The following PWWP2B variants were observed in gnomAD, a reference collection of about 807,000 sequenced individuals.
The protein encoded by PWWP2B is PWWP domain-containing protein 2B.
PWWP2B carries 9 observed loss-of-function variants against 15.5 expected under a neutral mutation model. That is an observed-to-expected ratio of 0.58 (90% CI 0.35 to 1.02). The LOEUF (loss-of-function observed/expected upper bound fraction) is 1.02, where lower values mean the gene tolerates loss of function less well. Among genes scored for constraint, PWWP2B ranks in the 50% least tolerant of loss-of-function variants. PWWP2B has a pLI of 0.02. For missense variants in PWWP2B, 864 were observed against 865.3 expected, an observed-to-expected ratio of 1.00 and a Z score of 0.02; for synonymous variants, 474 against 403.6, an observed-to-expected ratio of 1.17 and a Z score of -2.09.
chr10:132,405,517 T>C lies in PWWP2B; in HGVS notation c.1017T>C (p.Arg339=). 1.9e-6 allele frequency: 3 copies of C among 1,603,860 alleles called. No individual in the cohort carries two copies. Among genetic ancestry groups the C allele is most frequent in the Non-Finnish European group, 1.7e-6 (2 of 1,179,300 alleles). The change falls in exon 2 of 3, where the codon CGT becomes CGC. Residue 339 remains arginine, a synonymous_variant. Coordinates refer to ENST00000305233, the MANE Select transcript of PWWP2B (RefSeq NM_138499.4). Reference sequence around the variant, plus strand: ...CTAAGATCCGCCTGAAGCCCCACCGTCTGGGGGACAGCGAGCACGAGCCCG... The same window carrying C: ...CTAAGATCCGCCTGAAGCCCCACCGCCTGGGGGACAGCGAGCACGAGCCCG... ...PPPKIRLKPH[R]LGDSEHEPVY... is the part of the protein sequence containing the mutation.
rs2069659431 is a variant in PWWP2B, at chr10:132,404,713, G to A, written c.213G>A (p.Glu71=). The A allele has an allele frequency of 1.9e-6, 3 of 1,611,912 alleles. No individual in the cohort carries two copies. Among genetic ancestry groups the A allele is most frequent in the African/African-American group, 2.7e-5 (2 of 75,000 alleles). Residue 71 remains glutamate (E), a synonymous_variant, in exon 2 of 3, where the codon GAG becomes GAA. Coordinates refer to ENST00000305233, the MANE Select transcript of PWWP2B (RefSeq NM_138499.4). The stretch of plus-strand genomic sequence containing the variant: ...ACGACAGCCATGGCCGGGCTCCCGA[G>A]GAGGGGGATGCAGAGGTGATGCAGC... ...PVNDSHGRAP[E]EGDAEVMQLG...
At chr10:132,397,520 G>A (rs1208505270) in intron 1 of PWWP2B, among the ~76,000 whole-genome samples, 169 bp downstream of exon 1, 1 of 151,066 alleles carries the variant, frequency 6.6e-6, no homozygotes, top group African/African-American at 2.4e-5. Flanking sequence ...GCCGCCACTC[G>A]GGGGGGCAAA....
At chr10:132,402,994 G>T (rs549682824) in intron 1 of PWWP2B, among the ~76,000 whole-genome samples, 82 of 152,372 alleles carry the variant, frequency 5.4e-4, no homozygotes, top group African/African-American at 1.9e-3. Flanking sequence ...GGCACCGCCC[G>T]GGACTGGCCT....
At position 132,405,679 on chromosome 10, in the gene PWWP2B, C is replaced by A; in HGVS notation, c.1179C>A (p.Ser393Arg). 2 of 1,612,406 alleles carry A rather than the reference C, an allele frequency of 1.2e-6. No homozygotes were observed. Among genetic ancestry groups the A allele is most frequent in the Non-Finnish European group, 1.7e-6 (2 of 1,179,906 alleles). Residue 393 changes from serine (S) to arginine (R), a missense_variant, in exon 2 of 3, where the codon AGC becomes AGA. By Grantham distance (110) the Ser-to-Arg change is moderately radical. Transcript: ENST00000305233. ...GSSGEDDDFK[S>R]CPQGPQGREG... ...CGGGTGAGGACGATGACTTCAAGAG[C>A]TGTCCCCAGGGTCCACAGGGACGCG...
chr10:132,403,683 G>A (rs1296362318), intron 1 of PWWP2B, among the ~76,000 whole-genome samples: 2 of 152,226 alleles, frequency 1.3e-5, no homozygotes, highest in South Asian at 2.1e-4. Context: ...GCCGTTAAGC[G>A]CAGGCTGCCC....
chr10:132,417,151 C>A lies in PWWP2B; in HGVS notation c.*107C>A. 1.3e-6 allele frequency: 2 copies of A among 1,549,800 alleles called. No individual in the cohort carries two copies. The highest frequency in any genetic ancestry group is 1.8e-6 in the Non-Finnish European group (2 of 1,122,454). On this transcript the variant is annotated 3_prime_UTR_variant, in exon 3 of 3. Coordinates refer to ENST00000305233, the MANE Select transcript of PWWP2B (RefSeq NM_138499.4). ...GCCTTCTGGCCGGCTGCGTGCAGAG[C>A]CCACTGGGCACGGTGGTCGGCCTGG...
intron 2 of PWWP2B, among the ~76,000 whole-genome samples, chr10:132,408,803 G>A (rs867999576): frequency 1.3e-5 from 2 of 152,238 alleles, no homozygotes; most frequent in Non-Finnish European, 2.9e-5. Context: ...AGCTTGCTGC[G>A]GGGCTGGAGG....
chr10:132,397,570 CCGGGCCGGGG>C (rs912825587), intron 1 of PWWP2B, among the ~76,000 whole-genome samples: 13 of 149,876 alleles, frequency 8.7e-5, no homozygotes, highest in African/African-American at 1.7e-4. Context: ...GGGGCGGGCG[CCGGGCCGGGG>C]CGGGCCGGGG....
At position 132,410,504 on chromosome 10, in the gene PWWP2B, T is replaced by A. The variant is rs117100059; in HGVS notation, c.*16+4215T>A. ...GAGAGTGGGTGGCACTGGCCAGCCGTGTGGGGAGGACCTGAGGGGCTCGGG... is the reference window on the plus strand; with the variant it reads ...GAGAGTGGGTGGCACTGGCCAGCCGAGTGGGGAGGACCTGAGGGGCTCGGG... On this transcript the variant is annotated intron_variant, in intron 2 of 2. Coordinates refer to ENST00000305233, the MANE Select transcript of PWWP2B (RefSeq NM_138499.4). Among the ~76,000 whole-genome samples, 959 of 152,116 alleles carry A rather than the reference T, an allele frequency of 6.3e-3. 3 individuals carry two copies. The highest frequency in any genetic ancestry group is 0.031 in the Middle Eastern group (9 of 292).
intron 2 of PWWP2B, among the ~76,000 whole-genome samples, chr10:132,410,820 T>A (rs1221275855): frequency 6.6e-6 from 1 of 152,200 alleles, no homozygotes; most frequent in Non-Finnish European, 1.5e-5. Flanking sequence ...AATGCTCTCC[T>A]GGTGTCCCGG....
At position 132,404,878 on chromosome 10, in the gene PWWP2B, C is replaced by T; in HGVS notation, c.378C>T (p.Phe126=). ...CTCCCTACTTCGAAGGCGCCCCCTT[C>T]CCTCACCCGCTGTGGCTCCGGGACA... ...PYPPYFEGAP[F]PHPLWLRDTY... The change falls in exon 2 of 3, where the codon TTC becomes TTT. Residue 126 remains phenylalanine, a synonymous_variant. Coordinates refer to ENST00000305233, the MANE Select transcript of PWWP2B (RefSeq NM_138499.4). The T allele has an allele frequency of 6.3e-7, 1 of 1,593,226 alleles. No homozygotes were observed. The highest frequency in any genetic ancestry group is 8.5e-7 in the Non-Finnish European group (1 of 1,177,032).
chr10:132,399,904 G>A (rs914841174), intron 1 of PWWP2B, among the ~76,000 whole-genome samples: 1 of 152,214 alleles, frequency 6.6e-6, no homozygotes, highest in African/African-American at 2.4e-5. Context: ...CCATCTCTGA[G>A]CTGGTATTTA....
chr10:132,404,076 G>GGCATTCTCCAGGGCTCCTGCAGGACA lies in PWWP2B; in HGVS notation c.126-543_126-542insCCAGGGCTCCTGCAGGACAGCATTCT, dbSNP rs1564873085. On this transcript the variant is annotated intron_variant, in intron 1 of 2. Coordinates refer to ENST00000305233, the MANE Select transcript of PWWP2B (RefSeq NM_138499.4). ...GCATTCTCCAGGGCTCCTGCAGGAC[G>GGCATTCTCCAGGGCTCCTGCAGGACA]GCATTCTTCTGGGCTCCTGCAGGGA... Among the ~76,000 whole-genome samples, 10 of 136,418 alleles carry GGCATTCTCCAGGGCTCCTGCAGGACA rather than the reference G, an allele frequency of 7.3e-5. No homozygotes were observed. The South Asian group carries it at 8.4e-4, about 11-fold the overall frequency. 89.5% of individuals were successfully genotyped at this position (136,418 alleles called of 152,430 possible).
intron 1 of PWWP2B, among the ~76,000 whole-genome samples, chr10:132,402,479 C>T (rs1292712336): frequency 6.6e-6 from 1 of 152,266 alleles, no homozygotes; most frequent in Non-Finnish European, 1.5e-5. Context: ...GCATGCTGGC[C>T]CAGAAGCTCA....
Position 132,417,721 on chromosome 10 carries a change from A to C in PWWP2B, c.*677A>C, listed in dbSNP as rs2069881301. The C allele has an allele frequency of 6.6e-6, 1 of 152,372 alleles. No individual in the cohort carries two copies. Among genetic ancestry groups the C allele is most frequent in the Admixed American group, 6.5e-5 (1 of 15,282 alleles). 9.4% of individuals were successfully genotyped at this position (152,372 alleles called of 1,614,324 possible). On this transcript the variant is annotated 3_prime_UTR_variant, in exon 3 of 3. Coordinates refer to ENST00000305233, the MANE Select transcript of PWWP2B (RefSeq NM_138499.4). Reference sequence around the variant, plus strand: ...ACGAGTGACCAGTGCTGTGTGGAGGAGGCCAAGGGCGGCCCCTGGGAAACC... The same window carrying C: ...ACGAGTGACCAGTGCTGTGTGGAGGCGGCCAAGGGCGGCCCCTGGGAAACC...
Position 132,405,918 on chromosome 10 carries a change from A to G in PWWP2B, c.1418A>G (p.His473Arg), listed in dbSNP as rs1214092451. 2 of 1,612,828 alleles carry G rather than the reference A, an allele frequency of 1.2e-6. No individual in the cohort carries two copies. The highest frequency in any genetic ancestry group is 2.2e-5 in the South Asian group (2 of 91,088). Reference protein sequence around the residue: ...QTVPPLTVRLHTQSVSECITE... With the variant: ...QTVPPLTVRLRTQSVSECITE... ...GTGCCGCCCCTGACGGTCAGGCTGC[A>G]CACACAGAGCGTGTCGGAGTGCATC... Residue 473 changes from histidine to arginine, a missense_variant, in exon 2 of 3, where the codon CAC becomes CGC. Around this residue, in one of 2 missense-constraint regions of PWWP2B, gnomAD observed 128 missense variants for 177.6 expected, o/e 0.72. Coordinates refer to ENST00000305233, the MANE Select transcript of PWWP2B (RefSeq NM_138499.4).
chr10:132,415,492 C>CA (rs1491247180), intron 2 of PWWP2B, among the ~76,000 whole-genome samples: 1 of 143,808 alleles, frequency 7.0e-6, no homozygotes, highest in Non-Finnish European at 1.5e-5. Flanking sequence ...AACACACCCA[C>CA]TCACACACAT....
At position 132,417,366 on chromosome 10, in the gene PWWP2B, C is replaced by G; in HGVS notation, c.*322C>G. ...CGCGCGCTGGGGTTCCATGGAGGAACTGGGCCTGCCGCCCCGGCCTCACCT... is the reference window on the plus strand; with the variant it reads ...CGCGCGCTGGGGTTCCATGGAGGAAGTGGGCCTGCCGCCCCGGCCTCACCT... On this transcript the variant is annotated 3_prime_UTR_variant, in exon 3 of 3. Coordinates refer to ENST00000305233, the MANE Select transcript of PWWP2B (RefSeq NM_138499.4). 4.1e-6 allele frequency: 2 copies of G among 488,020 alleles called. No homozygotes were observed. The highest frequency in any genetic ancestry group is 7.3e-6 in the Non-Finnish European group (2 of 272,282). The allele number at this position is 488,020 out of a possible 1,614,324, so 30.2% of individuals were successfully genotyped here.
intron 1 of PWWP2B, among the ~76,000 whole-genome samples, chr10:132,400,611 C>T (rs1380909805): frequency 6.6e-6 from 1 of 152,178 alleles, no homozygotes. Context: ...GGAGACCCCA[C>T]TGCCCCCAGC....
Sources: gnomAD v4.1 joint callset for allele counts (sites outside exome capture counted in the v4.1 genomes callset) on GRCh38, gnomAD v4.1.1 for gene constraint, gnomAD v4.1.1 regional missense constraint, MANE v1.5 for transcripts, NCBI Gene and HGNC (gene_info 2026-07-23, HGNC 2026-07-21) for gene names.